Variants in MTM1 observed in about 807,000 individuals in gnomAD.
MTM1 encodes the protein myotubularin.
A neutral mutation model predicts 52.1 loss-of-function variants in MTM1; 9 were observed. The observed-to-expected ratio is 0.17, with a 90% confidence interval of 0.10 to 0.30. The LOEUF (loss-of-function observed/expected upper bound fraction) is 0.30. Among genes scored for constraint, MTM1 ranks in the 10% least tolerant of loss-of-function variants. MTM1 has a pLI of 1.00. For missense variants in MTM1, 277 were observed against 470.7 expected, an observed-to-expected ratio of 0.59 and a Z score of 3.81; for synonymous variants, 136 against 163.8, an observed-to-expected ratio of 0.83 and a Z score of 1.29.
Position 150,663,417 on chromosome X carries a change from CTCTG to C in MTM1, c.1468-12_1468-9del. On this transcript the variant is annotated splice_polypyrimidine_tract_variant and intron_variant, in intron 13 of 14. Transcript: ENST00000370396. ...TTTACTTAGGCTCTCCACTTTCTCTCTCTGTCTCTCTGTAGAAGGTTACAGAAAG... is the reference window on the plus strand; with the variant it reads ...TTTACTTAGGCTCTCCACTTTCTCTCTCTCTCTGTAGAAGGTTACAGAAAG... 8.3e-7 allele frequency: 1 copy of C among 1,209,213 alleles called. No homozygotes were observed. Among genetic ancestry groups the C allele is most frequent in the Non-Finnish European group, 1.1e-6 (1 of 893,794 alleles).
intron 6 of MTM1, among the ~76,000 whole-genome samples, chrX:150,627,025 A>G (rs781998253): frequency 2.7e-5 from 3 of 110,659 alleles, no homozygotes; most frequent in Non-Finnish European, 5.7e-5. Flanking sequence ...TCTTCTCCCT[A>G]TTGCCTGTCC....
In MTM1 at chrX:150,672,001, T is replaced by C. The variant is rs1557415166; in HGVS notation, c.*406T>C. 1 of 156,088 alleles carries C rather than the reference T, an allele frequency of 6.4e-6. No individual in the cohort carries two copies. Among genetic ancestry groups the C allele is most frequent in the African/African-American group, 3.2e-5 (1 of 31,582 alleles). The allele number at this position is 156,088 out of a possible 1,213,427, so 12.9% of individuals were successfully genotyped here. A position where few individuals can be genotyped will look rare whatever the true frequency, so the allele number is the denominator to read the frequency against. On this transcript the variant is annotated 3_prime_UTR_variant, in exon 15 of 15. Transcript: ENST00000370396. ...AAGCTGCTTAACAGTTGCTTTGGAT[T>C]CTCTAAGATGAATCCAAATGTGAAA...
chrX:150,630,423 C>T (rs1325224713), intron 6 of MTM1, among the ~76,000 whole-genome samples: 1 of 111,632 alleles, frequency 9.0e-6, no homozygotes, highest in East Asian at 2.8e-4. Flanking sequence ...ACCATAGCAA[C>T]CCAGTATGTT....
At chrX:150,565,765 A>G (rs1369990676), upstream of MTM1, among the ~76,000 whole-genome samples, 1 of 112,095 alleles carries the variant, frequency 8.9e-6, no homozygotes, top group Non-Finnish European at 1.9e-5. Context: ...CCAGCCCTCC[A>G]GCCTGTGCCT....
Position 150,671,523 on chromosome X carries a change from C to G in MTM1, c.1740C>G (p.Ala580=), listed in dbSNP as rs782365703. Residue 580 remains alanine (A), a synonymous_variant, in exon 15 of 15, where the codon GCC becomes GCG. Coordinates refer to ENST00000370396, the MANE Select transcript of MTM1 (RefSeq NM_000252.3). ...RLEELQLANS[A]KLSDPPTSPS... is the part of the protein sequence containing the mutation. ...AGGAACTGCAGCTCGCCAACTCTGC[C>G]AAGCTTTCTGATCCCCCAACTTCAC... 1.7e-6 allele frequency: 2 copies of G among 1,209,030 alleles called. No homozygotes were observed. The highest frequency in any genetic ancestry group is 1.8e-5 in the African/African-American group (1 of 56,859).
intron 3 of MTM1, among the ~76,000 whole-genome samples, chrX:150,597,295 G>C (rs911423306): frequency 2.7e-5 from 3 of 111,775 alleles, no homozygotes; most frequent in Non-Finnish European, 5.6e-5. Context: ...CTAAAACCTC[G>C]TGCTAATTAG....
At chrX:150,565,040 C>G (rs1160488055), upstream of MTM1, among the ~76,000 whole-genome samples, 1 of 111,722 alleles carries the variant, frequency 9.0e-6, no homozygotes, top group Non-Finnish European at 1.9e-5. Context: ...GTGTACTTGC[C>G]CGAAGTCACA....
Position 150,608,725 on chromosome X carries a change from A to C in MTM1, c.232-5864A>C, listed in dbSNP as rs782527046. 3.6e-5 allele frequency among the ~76,000 whole-genome samples: 4 copies of C among 111,502 alleles called. No homozygotes were observed. The East Asian group carries it at 1.1e-3, about 31-fold the overall frequency. The stretch of plus-strand genomic sequence containing the variant: ...GTTAGTTGTAGTCACTTTGTTGTAC[A>C]GTAGATCTCTGGAACTTACTCCTCC... On this transcript the variant is annotated intron_variant, in intron 4 of 14. Transcript: ENST00000370396.
chrX:150,622,194 C>CAAA (rs10717650), intron 6 of MTM1, among the ~76,000 whole-genome samples: 1 of 68,033 alleles, frequency 1.5e-5, no homozygotes, highest in Non-Finnish European at 2.8e-5. Context: ...AAGAAACTGC[C>CAAA]AAAAAAAAAA....
intron 8 of MTM1, among the ~76,000 whole-genome samples, chrX:150,643,695 A>G (rs1436299077): frequency 8.9e-6 from 1 of 111,775 alleles, no homozygotes; most frequent in African/African-American, 3.3e-5. Flanking sequence ...GTGTAGATGT[A>G]CCATGATTTA....
chrX:150,642,072 A>T (rs2039857920), intron 8 of MTM1, among the ~76,000 whole-genome samples: 1 of 100,422 alleles, frequency 1.0e-5, no homozygotes, highest in Non-Finnish European at 2.1e-5. Flanking sequence ...AGGGTCTGTC[A>T]TAAGTACCTT....
intron 1 of MTM1, among the ~76,000 whole-genome samples, chrX:150,583,354 A>T (rs868960552): frequency 3.2e-5 from 1 of 31,585 alleles, no homozygotes; most frequent in African/African-American, 1.4e-4. Flanking sequence ...TATAATTATA[A>T]ATATATATAA....
At chrX:150,658,671 A>G (rs2040168459) in intron 11 of MTM1, among the ~76,000 whole-genome samples, 2 of 111,446 alleles carry the variant, frequency 1.8e-5, no homozygotes, top group South Asian at 7.6e-4. Context: ...CCTAGGTCTT[A>G]TTTCCAGATG....
intron 1 of MTM1, among the ~76,000 whole-genome samples, chrX:150,569,062 C>T (rs1387361402): frequency 8.8e-6 from 1 of 113,736 alleles, no homozygotes; most frequent in Non-Finnish European, 1.9e-5. Flanking sequence ...CGCTCCGCGG[C>T]TGGTCCTCGC....
At chrX:150,575,342 G>A (rs1266355284) in intron 1 of MTM1, among the ~76,000 whole-genome samples, 1 of 112,280 alleles carries the variant, frequency 8.9e-6, no homozygotes, top group Non-Finnish European at 1.9e-5. Flanking sequence ...ACAGATATTC[G>A]AACTTAATTG....
chrX:150,575,353 A>C (rs1315552407), intron 1 of MTM1, among the ~76,000 whole-genome samples: 1 of 112,235 alleles, frequency 8.9e-6, no homozygotes, highest in East Asian at 2.8e-4. Context: ...AACTTAATTG[A>C]TCTGGGCTGA....
At chrX:150,582,505 CTTGT>C (rs2038603517) in intron 1 of MTM1, among the ~76,000 whole-genome samples, 1 of 111,313 alleles carries the variant, frequency 9.0e-6, no homozygotes, top group South Asian at 3.8e-4. Flanking sequence ...AGACTGGGGT[CTTGT>C]TTGTTACTGC....
At chrX:150,632,272 A>T (rs1603177828) in intron 6 of MTM1, among the ~76,000 whole-genome samples, 1 of 111,931 alleles carries the variant, frequency 8.9e-6, no homozygotes, top group East Asian at 2.8e-4. Context: ...AGAAATTGAC[A>T]TGTCATACTG....
intron 6 of MTM1, among the ~76,000 whole-genome samples, chrX:150,627,968 G>T (rs1557413458): frequency 9.0e-6 from 1 of 111,669 alleles, no homozygotes; most frequent in African/African-American, 3.3e-5. Flanking sequence ...AGTGGGGGAT[G>T]GTGGCAGGGA....
Sources: allele counts gnomAD v4.1 joint callset (sites outside exome capture counted in the v4.1 genomes callset), GRCh38; gene constraint gnomAD v4.1.1; transcripts MANE v1.5; gene names NCBI Gene and HGNC (gene_info 2026-07-23, HGNC 2026-07-21).